The following TRPM3 variants were observed in gnomAD, a reference collection of about 807,000 sequenced individuals.
TRPM3 encodes the protein long transient receptor potential channel 3.
Under a neutral mutation model 181.2 loss-of-function variants are expected in TRPM3, and 77 were observed. The ratio of observed to expected loss-of-function variants is 0.42; its 90% CI spans 0.35 to 0.51. The LOEUF (loss-of-function observed/expected upper bound fraction) is 0.51. Among genes scored for constraint, TRPM3 ranks in the 20% least tolerant of loss-of-function variants. The probability of loss-of-function intolerance (pLI) is 0.01; values close to 1 mark genes in which losing one functional copy is unlikely to be tolerated. For synonymous variants in TRPM3, 745 were observed against 796.4 expected, an observed-to-expected ratio of 0.94 and a Z score of 1.09; for missense variants, 1,759 against 2,196.7, an observed-to-expected ratio of 0.80 and a Z score of 3.98.
At chr9:71,274,594 T>C (rs1365262545) in intron 1 of TRPM3, among the ~76,000 whole-genome samples, 3 of 152,178 alleles carry the variant, frequency 2.0e-5, no homozygotes, top group African/African-American at 7.2e-5. Flanking sequence ...TTTCTGCAAA[T>C]AAATTCCTTA....
At chr9:71,186,828 T>C (rs2077708526) in intron 1 of TRPM3, among the ~76,000 whole-genome samples, 1 of 152,066 alleles carries the variant, frequency 6.6e-6, no homozygotes, top group African/African-American at 2.4e-5. Context: ...GCTTTGTACA[T>C]GAAGATGAGC....
At chr9:71,206,413 A>T (rs1439034008) in intron 1 of TRPM3, among the ~76,000 whole-genome samples, 2 of 152,026 alleles carry the variant, frequency 1.3e-5, no homozygotes, top group Non-Finnish European at 1.5e-5. Flanking sequence ...GTTTCTGTTC[A>T]TATCCTTCAC....
intron 1 of TRPM3, among the ~76,000 whole-genome samples, chr9:71,090,733 A>C (rs2066060851): frequency 6.6e-6 from 1 of 152,154 alleles, no homozygotes; most frequent in South Asian, 2.1e-4. Flanking sequence ...ATCATCTTAG[A>C]CAAGTTATTT....
At chr9:71,428,161 A>C (rs2093898722) in intron 1 of TRPM3, among the ~76,000 whole-genome samples, 1 of 151,452 alleles carries the variant, frequency 6.6e-6, no homozygotes, top group African/African-American at 2.4e-5. Flanking sequence ...GTGCAATCTC[A>C]GCTCATTGCA....
rs968289865 is a variant in TRPM3 at position 70,903,796 on chromosome 9, A to G, written c.178-39285T>C. Reference sequence around the variant, plus strand: ...ACATATAGCAGGGTTCCTCATATATAAGAGATGTACAATGAATGAGTTTAT... The same window carrying G: ...ACATATAGCAGGGTTCCTCATATATGAGAGATGTACAATGAATGAGTTTAT... On this transcript the variant is annotated intron_variant, in intron 1 of 25. Transcript: ENST00000677713. Among the ~76,000 whole-genome samples the G allele has an allele frequency of 1.3e-4, 20 of 152,212 alleles. 1 individual carries two copies. The highest frequency in any genetic ancestry group is 3.6e-4 in the African/African-American group (15 of 41,450).
rs540470822 is a variant in TRPM3, at chr9:71,133,973, T to C, written c.184-269462A>G. ...TGCCTACTATCTAAACTGTGTGTGTTTGTGTGTGTGTGTGTGTGTGTGTGT... is the reference window on the plus strand; with the variant it reads ...TGCCTACTATCTAAACTGTGTGTGTCTGTGTGTGTGTGTGTGTGTGTGTGT... On this transcript the variant is annotated intron_variant, in intron 1 of 24. Coordinates refer to the TRPM3 transcript ENST00000357533. Among the ~76,000 whole-genome samples the C allele has an allele frequency of 5.4e-5, 8 of 148,572 alleles. No homozygotes were observed. The East Asian group carries it at 1.6e-3, about 30-fold the overall frequency.
rs546456521 is a variant in TRPM3 at position 71,202,212 on chromosome 9, G to C, written c.183+244441C>G. Among the ~76,000 whole-genome samples, 23 of 152,230 alleles carry C rather than the reference G, an allele frequency of 1.5e-4. No individual in the cohort carries two copies. The South Asian group carries it at 4.6e-3, about 30-fold the overall frequency. ...GAAGTTTTGTCTCAGAGGAGTACCC[G>C]GCCATGTGACGTGTCAGTCTGCCCC... On this transcript the variant is annotated intron_variant, in intron 1 of 24. Transcript: ENST00000357533.
chr9:70,847,551 T>C (rs1187780695), intron 3 of TRPM3, among the ~76,000 whole-genome samples: 4 of 152,174 alleles, frequency 2.6e-5, no homozygotes, highest in African/African-American at 7.2e-5. Flanking sequence ...TCTGATTTAA[T>C]GATTGCATGC....
intron 9 of TRPM3, among the ~76,000 whole-genome samples, chr9:70,647,813 G>C (rs545289716): frequency 1.3e-5 from 2 of 152,148 alleles, no homozygotes; most frequent in African/African-American, 4.8e-5. Flanking sequence ...ATGCCCAAAG[G>C]CTCCAAGAAC....
At chr9:71,445,837 A>G (rs911821215) in intron 1 of TRPM3, among the ~76,000 whole-genome samples, 7 of 152,216 alleles carry the variant, frequency 4.6e-5, no homozygotes, top group African/African-American at 1.7e-4. Context: ...TTGGGAAGTT[A>G]AAAGTGGTGT....
intron 1 of TRPM3, among the ~76,000 whole-genome samples, chr9:71,400,206 G>C (rs28408974): frequency 0.034 from 5,194 of 152,040 alleles, 170 homozygotes; most frequent in African/African-American, 0.093. Flanking sequence ...AGCAATCCAC[G>C]CACCTCAGTC....
intron 6 of TRPM3, among the ~76,000 whole-genome samples, chr9:70,813,484 A>G (rs1030177870): frequency 2.6e-5 from 4 of 152,178 alleles, no homozygotes; most frequent in African/African-American, 7.2e-5. Flanking sequence ...ATACAAACAT[A>G]AAGACAGAAA....
intron 1 of TRPM3, among the ~76,000 whole-genome samples, chr9:71,099,703 A>T (rs1338829315): frequency 1.3e-5 from 2 of 152,202 alleles, no homozygotes; most frequent in African/African-American, 2.4e-5. Flanking sequence ...TCAACCTGAG[A>T]TCCATTCTAT....
Position 71,167,459 on chromosome 9 carries a change from A to G in TRPM3, c.183+279194T>C, listed in dbSNP as rs116071931. Reference sequence around the variant, plus strand: ...GCCTCATTCACACAACCAATCAAACAACAACATATCACACCCTTCTGCAAA... The same window carrying G: ...GCCTCATTCACACAACCAATCAAACGACAACATATCACACCCTTCTGCAAA... On this transcript the variant is annotated intron_variant, in intron 1 of 24. Transcript: ENST00000357533. 1.7e-3 allele frequency among the ~76,000 whole-genome samples: 265 copies of G among 152,294 alleles called. 3 individuals are homozygous for G. Among genetic ancestry groups the G allele is most frequent in the African/African-American group, 5.8e-3 (240 of 41,580 alleles).
At chr9:70,925,276 A>G (rs2096709700) in intron 1 of TRPM3, among the ~76,000 whole-genome samples, 1 of 152,172 alleles carries the variant, frequency 6.6e-6, no homozygotes, top group Non-Finnish European at 1.5e-5. Flanking sequence ...CATAAAACCA[A>G]TCTTTGCTCA....
chr9:71,413,255 A>T (rs948548720), intron 1 of TRPM3, among the ~76,000 whole-genome samples: 61 of 152,244 alleles, frequency 4.0e-4, no homozygotes, highest in African/African-American at 1.4e-3. Flanking sequence ...ACAAAAAAAT[A>T]AAATTAAAAA....
At chr9:71,203,197 A>G (rs1373894651) in intron 1 of TRPM3, among the ~76,000 whole-genome samples, 1 of 152,230 alleles carries the variant, frequency 6.6e-6, no homozygotes, top group Non-Finnish European at 1.5e-5. Context: ...CTTTGGAACA[A>G]GACAGAGCTG....
chr9:71,308,363 T>C (rs1175651850), intron 1 of TRPM3, among the ~76,000 whole-genome samples: 1 of 152,208 alleles, frequency 6.6e-6, no homozygotes, highest in Non-Finnish European at 1.5e-5. Flanking sequence ...GTTGTCAGCA[T>C]GAATTCAGGA....
rs2061274566 is a variant in TRPM3 at position 70,662,515 on chromosome 9, CAGAACCTACA to C, written c.1345+18981_1345+18990del. On this transcript the variant is annotated intron_variant, in intron 9 of 25. Coordinates refer to ENST00000677713, the MANE Select transcript of TRPM3 (RefSeq NM_001366145.2). ...ATGCATCCAACAAAGGTCTAGAATC[CAGAACCTACA>C]AGGAACTCAAATCAGCAAGAAAAAA... is the stretch of plus-strand genomic sequence containing the variant. Among the ~76,000 whole-genome samples the C allele has an allele frequency of 6.6e-5, 10 of 152,128 alleles. No homozygotes were observed. In the South Asian group the frequency reaches 2.1e-3, roughly 32 times the overall value.
Sources: allele counts gnomAD v4.1 joint callset (sites outside exome capture counted in the v4.1 genomes callset), GRCh38; gene constraint gnomAD v4.1.1; transcripts MANE v1.5; gene names NCBI Gene and HGNC (gene_info 2026-07-23, HGNC 2026-07-21).